Variants in WWOX observed in about 807,000 individuals in gnomAD.
WWOX encodes WW domain containing oxidoreductase.
WWOX carries 69 observed loss-of-function variants against 46.2 expected under a neutral mutation model. The observed-to-expected ratio is 1.49, with a 90% CI of 1.23 to 1.82. The LOEUF is 1.82. Among genes scored for constraint, WWOX ranks in the 40% most tolerant of loss-of-function variants. WWOX has a pLI of 0.00. For missense variants in WWOX, 919 were observed against 542.6 expected (o/e 1.69, Z -6.89); for synonymous variants, 359 against 202.6 (o/e 1.77, Z -6.56).
At chr16:78,595,776 C>G (rs946394672) in intron 8 of WWOX, among the ~76,000 whole-genome samples, 2 of 152,202 alleles carry the variant, frequency 1.3e-5, no homozygotes, top group Admixed American at 6.5e-5. Flanking sequence ...CATCTCAAAC[C>G]TTTATTATTT....
At chr16:78,725,980 C>T (rs2048821538) in intron 8 of WWOX, among the ~76,000 whole-genome samples, 1 of 149,516 alleles carries the variant, frequency 6.7e-6, no homozygotes, top group Non-Finnish European at 1.5e-5. Flanking sequence ...CCTCCTCCTT[C>T]TCCTTCTCCT....
intron 8 of WWOX, among the ~76,000 whole-genome samples, chr16:78,921,038 A>G (rs1469457870): frequency 6.6e-6 from 1 of 152,156 alleles, no homozygotes; most frequent in Non-Finnish European, 1.5e-5. Context: ...CCAGTCCAAT[A>G]TAGGTCACAT....
intron 8 of WWOX, among the ~76,000 whole-genome samples, chr16:78,874,528 G>T (rs2151206593): frequency 6.6e-6 from 1 of 152,142 alleles, no homozygotes; most frequent in East Asian, 1.9e-4. Context: ...GCAGCGCCTG[G>T]TATACAGGAA....
rs150453696 is a variant in WWOX at position 78,589,467 on chromosome 16, C to G, written c.1056+156715C>G. Among the ~76,000 whole-genome samples, 532 of 152,272 alleles carry G rather than the reference C, an allele frequency of 3.5e-3. 6 individuals carry two copies. Among genetic ancestry groups the G allele is most frequent in the African/African-American group, 0.012 (496 of 41,556 alleles). On this transcript the variant is annotated intron_variant, in intron 8 of 8. Coordinates refer to ENST00000566780, the MANE Select transcript of WWOX (RefSeq NM_016373.4). ...CACTAGCTTTATGTGGCTGGCAGTTCTGTCCTGCCACTCTTTTCCTCATCA... is the reference window on the plus strand; with the variant it reads ...CACTAGCTTTATGTGGCTGGCAGTTGTGTCCTGCCACTCTTTTCCTCATCA...
intron 8 of WWOX, among the ~76,000 whole-genome samples, chr16:78,768,300 A>AAAAAAAAAAG (rs1555531813): frequency 6.7e-6 from 1 of 148,796 alleles, no homozygotes; most frequent in Non-Finnish European, 1.5e-5. Context: ...AAAAAAAAAA[A>AAAAAAAAAAG]GTTGCCTGGC....
At chr16:78,368,844 G>A (rs2081597801) in intron 5 of WWOX, among the ~76,000 whole-genome samples, 1 of 152,182 alleles carries the variant, frequency 6.6e-6, no homozygotes, top group South Asian at 2.1e-4. Context: ...GTGGCCCTGT[G>A]CCGGTGCCCA....
intron 4 of WWOX, among the ~76,000 whole-genome samples, chr16:78,142,711 A>G (rs965804055): frequency 2.0e-5 from 3 of 152,226 alleles, no homozygotes; most frequent in Non-Finnish European, 4.4e-5. Context: ...CTTGACTGTA[A>G]TGGAGGTTTA....
chr16:78,197,535 G>A (rs2036092335), intron 5 of WWOX, among the ~76,000 whole-genome samples: 1 of 152,026 alleles, frequency 6.6e-6, no homozygotes, highest in Non-Finnish European at 1.5e-5. Flanking sequence ...TTTAATAAAC[G>A]TTACCATGAA....
chr16:78,635,839 C>T (rs1430633114), intron 8 of WWOX, among the ~76,000 whole-genome samples: 1 of 152,114 alleles, frequency 6.6e-6, no homozygotes, highest in African/African-American at 2.4e-5. Flanking sequence ...GTTGGCGTTT[C>T]CTTGCAGATA....
intron 8 of WWOX, among the ~76,000 whole-genome samples, chr16:78,967,459 G>GGT (rs760361225): frequency 1.0e-5 from 1 of 98,348 alleles, no homozygotes; most frequent in African/African-American, 3.9e-5. Context: ...AATTTTTGTG[G>GGT]TTTTTTTTTT....
intron 8 of WWOX, among the ~76,000 whole-genome samples, chr16:79,003,198 T>C (rs1400026128): frequency 6.6e-6 from 1 of 152,212 alleles, no homozygotes; most frequent in Non-Finnish European, 1.5e-5. Flanking sequence ...AAGTGCTTAG[T>C]GAGAATCAGA....
intron 8 of WWOX, among the ~76,000 whole-genome samples, chr16:78,957,283 C>G (rs568685126): frequency 6.6e-6 from 1 of 152,310 alleles, no homozygotes; most frequent in African/African-American, 2.4e-5. Flanking sequence ...TGCGTGACGA[C>G]CAGATAATTA....
intron 8 of WWOX, among the ~76,000 whole-genome samples, chr16:78,599,225 T>C (rs917649908): frequency 6.6e-6 from 1 of 152,126 alleles, no homozygotes; most frequent in Non-Finnish European, 1.5e-5. Context: ...GTCTTGCACA[T>C]TTTCCTTTTG....
chr16:78,370,235 C>T (rs1285550067), intron 5 of WWOX, among the ~76,000 whole-genome samples: 35 of 150,968 alleles, frequency 2.3e-4, no homozygotes, highest in Admixed American at 2.3e-3. Flanking sequence ...CAATCTGGGG[C>T]AAGTTAGCTA....
chr16:78,357,463 C>T (rs1304088706), intron 5 of WWOX, among the ~76,000 whole-genome samples: 1 of 152,120 alleles, frequency 6.6e-6, no homozygotes. Context: ...ATTGAATCAA[C>T]CACTTGGTCC....
chr16:78,866,670 C>T (rs191545565), intron 8 of WWOX, among the ~76,000 whole-genome samples: 25 of 152,316 alleles, frequency 1.6e-4, no homozygotes, highest in Middle Eastern at 3.4e-3. Context: ...TGGCTTGCAA[C>T]GTAGCCTGAT....
At chr16:79,150,262 A>G (rs1043483091) in intron 8 of WWOX, among the ~76,000 whole-genome samples, 4 of 152,200 alleles carry the variant, frequency 2.6e-5, no homozygotes, top group African/African-American at 9.6e-5. Flanking sequence ...TTTGTACTCA[A>G]TGCCTTAATT....
intron 8 of WWOX, among the ~76,000 whole-genome samples, chr16:78,452,850 G>T (rs2083724806): frequency 7.4e-6 from 1 of 135,262 alleles, no homozygotes; most frequent in African/African-American, 3.2e-5. Flanking sequence ...GGCTGCTATT[G>T]TTTTCCAGTG....
chr16:79,021,643 T>G (rs1007029436), intron 8 of WWOX, among the ~76,000 whole-genome samples: 2 of 150,756 alleles, frequency 1.3e-5, no homozygotes, highest in African/African-American at 2.5e-5. Flanking sequence ...GTGATTTCGA[T>G]TGCGACAAAC....
Sources: gnomAD v4.1 joint callset for allele counts (sites outside exome capture counted in the v4.1 genomes callset) on GRCh38, gnomAD v4.1.1 for gene constraint, MANE v1.5 for transcripts, NCBI Gene and HGNC (gene_info 2026-07-23, HGNC 2026-07-21) for gene names.